Variants in CFAP97D2 observed in about 807,000 individuals in gnomAD.
CFAP97D2 encodes the protein CFAP97 domain containing 2.
chr13:114,187,274 T>G lies in CFAP97D2; in HGVS notation c.90+7854T>G, dbSNP rs1594514010. Among the ~76,000 whole-genome samples the G allele has an allele frequency of 1.3e-5, 2 of 150,812 alleles. No homozygotes were observed. The highest frequency in any genetic ancestry group is 6.6e-5 in the Admixed American group (1 of 15,150). ...GCAGAAAAGACAAAAATAACAAATA[T>G]CAAGAGTAACAAACAAAATAGTAAC... On this transcript the variant is annotated intron_variant, in intron 1 of 4. Coordinates refer to ENST00000646158, the Ensembl canonical transcript of CFAP97D2. The surrounding 1 kb of genome is among the most constrained non-coding windows in gnomAD (Gnocchi z 4.2).
chr13:114,207,503 A>G lies in CFAP97D2; in HGVS notation c.291-4409A>G, dbSNP rs2080946481. Among the ~76,000 whole-genome samples the G allele has an allele frequency of 6.6e-6, 1 of 152,092 alleles. No homozygotes were observed. Among genetic ancestry groups the G allele is most frequent in the African/African-American group, 2.4e-5 (1 of 41,410 alleles). On this transcript the variant is annotated intron_variant, in intron 3 of 4. Coordinates refer to ENST00000646158, the Ensembl canonical transcript of CFAP97D2. This position sits in a 1 kb window ranked among gnomAD's most constrained non-coding sequence, Gnocchi z 4.9. ...TTTTCATAAGGAACACGCAGCTTAG[A>G]TCTCTCGAACGTGCAGTTCACAATA...
chr13:114,179,617 T>G lies in CFAP97D2; in HGVS notation c.90+197T>G, dbSNP rs1007318922. Among the ~76,000 whole-genome samples, 11 of 151,932 alleles carry G rather than the reference T, an allele frequency of 7.2e-5. No individual in the cohort carries two copies. Among genetic ancestry groups the G allele is most frequent in the East Asian group, 1.9e-4 (1 of 5,190 alleles). On this transcript the variant is annotated intron_variant, in intron 1 of 4. Coordinates refer to ENST00000646158, the Ensembl canonical transcript of CFAP97D2. The surrounding 1 kb of genome is among the most constrained non-coding windows in gnomAD (Gnocchi z 4.8). The stretch of plus-strand genomic sequence containing the variant: ...AATCTCATTAAATAGTTGACGGCTT[T>G]CTTTCTTTCTTTTTTTTTTTTGAGA...
intron 1 of CFAP97D2, among the ~76,000 whole-genome samples, chr13:114,194,379 CAG>C (rs1172317078): frequency 1.3e-5 from 2 of 152,164 alleles, no homozygotes; most frequent in African/African-American, 4.8e-5. Context: ...AATCCAGACT[CAG>C]AAACTCTACA....
chr13:114,205,740 T>C lies in CFAP97D2; in HGVS notation c.290+5297T>C, dbSNP rs187084225. 4.6e-5 allele frequency among the ~76,000 whole-genome samples: 7 copies of C among 152,332 alleles called. No homozygotes were observed. In the East Asian group the frequency reaches 1.3e-3, roughly 29 times the overall value. ...GTCTTCTGGGCTTGCCTCTCCCATCTTGGAACCAATGCCTGTGAACCAGCC... is the reference window on the plus strand; with the variant it reads ...GTCTTCTGGGCTTGCCTCTCCCATCCTGGAACCAATGCCTGTGAACCAGCC... On this transcript the variant is annotated intron_variant, in intron 3 of 4. Transcript: ENST00000646158.
chr13:114,180,516 C>G (rs6560937), intron 1 of CFAP97D2, among the ~76,000 whole-genome samples: 96,083 of 152,008 alleles, frequency 0.63, 31,991 homozygotes, highest in African/African-American at 0.85. Context: ...AGTCTTCTCT[C>G]TCCCCTCTGC....
At chr13:114,208,094 G>A (rs891598538) in intron 3 of CFAP97D2, among the ~76,000 whole-genome samples, 1 of 152,180 alleles carries the variant, frequency 6.6e-6, no homozygotes, top group Non-Finnish European at 1.5e-5. Context: ...TGGGCTTCAC[G>A]ACTTCTAGCT....
At position 114,187,842 on chromosome 13, in the gene CFAP97D2, T is replaced by C. The variant is rs1010367944; in HGVS notation, c.90+8422T>C. Among the ~76,000 whole-genome samples, 2 of 152,220 alleles carry C rather than the reference T, an allele frequency of 1.3e-5. No homozygotes were observed. The highest frequency in any genetic ancestry group is 2.9e-5 in the Non-Finnish European group (2 of 68,046). On this transcript the variant is annotated intron_variant, in intron 1 of 4. Transcript: ENST00000646158. The surrounding 1 kb of genome is among the most constrained non-coding windows in gnomAD (Gnocchi z 4.2). ...AATATTCACCAAGATAGATCATGGATCATCTTCTGGGCCACAAAACACATA... is the reference window on the plus strand; with the variant it reads ...AATATTCACCAAGATAGATCATGGACCATCTTCTGGGCCACAAAACACATA...
At position 114,181,390 on chromosome 13, in the gene CFAP97D2, C is replaced by A. The variant is rs546325661; in HGVS notation, c.90+1970C>A. Among the ~76,000 whole-genome samples the A allele has an allele frequency of 2.0e-5, 3 of 152,156 alleles. No homozygotes were observed. In the East Asian group the frequency reaches 5.8e-4, roughly 30 times the overall value. ...CGTGAGGGTAGGACATGAAACCTGGCAAAGGAGGTTAAGGCAGCTGGCAGA... is the reference window on the plus strand; with the variant it reads ...CGTGAGGGTAGGACATGAAACCTGGAAAAGGAGGTTAAGGCAGCTGGCAGA... On this transcript the variant is annotated intron_variant, in intron 1 of 4. Transcript: ENST00000646158.
rs375588663 is a variant in CFAP97D2, at chr13:114,206,948, G to T, written c.291-4964G>T. 1.8e-3 allele frequency among the ~76,000 whole-genome samples: 278 copies of T among 152,326 alleles called. 1 individual carries two copies. Among genetic ancestry groups the T allele is most frequent in the Middle Eastern group, 3.4e-3 (1 of 294 alleles). On this transcript the variant is annotated intron_variant, in intron 3 of 4. Coordinates refer to ENST00000646158, the Ensembl canonical transcript of CFAP97D2. ...GATGTGTATGGATGCTCCTGTATGG[G>T]ATCAGGGAGGAGTTCTTGCCTTAAA...
rs1021086651 is a variant in CFAP97D2 at position 114,203,176 on chromosome 13, G to T, written c.290+2733G>T. Among the ~76,000 whole-genome samples the T allele has an allele frequency of 6.6e-6, 1 of 152,140 alleles. No homozygotes were observed. The highest frequency in any genetic ancestry group is 1.5e-5 in the Non-Finnish European group (1 of 68,020). On this transcript the variant is annotated intron_variant, in intron 3 of 4. Transcript: ENST00000646158. The surrounding 1 kb of genome is among the most constrained non-coding windows in gnomAD (Gnocchi z 4.3). Reference sequence around the variant, plus strand: ...GATCTTGCATATAGAAAATCTTAAGGAATGCACTAAAAAGCTGTAGAACTA... The same window carrying T: ...GATCTTGCATATAGAAAATCTTAAGTAATGCACTAAAAAGCTGTAGAACTA...
At chr13:114,210,017 C>T (rs374635619) in intron 3 of CFAP97D2, among the ~76,000 whole-genome samples, 1 of 152,172 alleles carries the variant, frequency 6.6e-6, no homozygotes, top group East Asian at 1.9e-4. Flanking sequence ...TTTATGGATA[C>T]CAAGAAGAAA....
intron 1 of CFAP97D2, among the ~76,000 whole-genome samples, chr13:114,182,222 C>A (rs9525294): frequency 0.13 from 18,872 of 147,082 alleles, 1,658 homozygotes; most frequent in Middle Eastern, 0.2. Context: ...AGGTACTATG[C>A]CTGGATGTGC....
At chr13:114,198,002 T>A (rs1483834310) in intron 2 of CFAP97D2, among the ~76,000 whole-genome samples, 1 of 152,142 alleles carries the variant, frequency 6.6e-6, no homozygotes, top group Non-Finnish European at 1.5e-5. Context: ...TTTTATTTTG[T>A]TTTTTAGACG....
Position 114,211,700 on chromosome 13 carries a change from G to A in CFAP97D2, c.291-212G>A, listed in dbSNP as rs1426388434. ...CCCTCCCGCCGTGCAAAGCGAGCGC[G>A]CCGGGGCTGAGTGTGCCCTTCGCTC... On this transcript the variant is annotated intron_variant, in intron 3 of 4. Transcript: ENST00000646158. This position sits in a 1 kb window ranked among gnomAD's most constrained non-coding sequence, Gnocchi z 4.2. Among the ~76,000 whole-genome samples the A allele has an allele frequency of 6.6e-6, 1 of 152,194 alleles. No individual in the cohort carries two copies. The highest frequency in any genetic ancestry group is 1.5e-5 in the Non-Finnish European group (1 of 68,030).
At chr13:114,182,938 A>G (rs2080841992) in intron 1 of CFAP97D2, among the ~76,000 whole-genome samples, 2 of 151,984 alleles carry the variant, frequency 1.3e-5, no homozygotes, top group African/African-American at 4.8e-5. Flanking sequence ...TTTTCCCTAC[A>G]ATGCCCACGG....
rs545998022 is a variant in CFAP97D2 at position 114,207,166 on chromosome 13, G to A, written c.291-4746G>A. Among the ~76,000 whole-genome samples the A allele has an allele frequency of 4.1e-4, 62 of 152,288 alleles. No individual in the cohort carries two copies. Among genetic ancestry groups the A allele is most frequent in the African/African-American group, 5.8e-4 (24 of 41,560 alleles). ...CCTGAGCCCCATCTGCTCCCCTGCC[G>A]CTGCAAGGGCAGCACCATGCAGGGC... is the stretch of plus-strand genomic sequence containing the variant. On this transcript the variant is annotated intron_variant, in intron 3 of 4. Transcript: ENST00000646158. The surrounding 1 kb of genome is among the most constrained non-coding windows in gnomAD (Gnocchi z 4.9).
intron 3 of CFAP97D2, among the ~76,000 whole-genome samples, chr13:114,206,704 G>A (rs58450740): frequency 9.0e-4 from 137 of 152,334 alleles, no homozygotes; most frequent in African/African-American, 3.1e-3. Flanking sequence ...GCTCCCTAAG[G>A]AAGTGATGAA....
rs1053076292 is a variant in CFAP97D2, at chr13:114,186,948, T to C, written c.90+7528T>C. 2.6e-5 allele frequency among the ~76,000 whole-genome samples: 4 copies of C among 152,156 alleles called. No individual in the cohort carries two copies. Among genetic ancestry groups the C allele is most frequent in the Non-Finnish European group, 5.9e-5 (4 of 68,036 alleles). On this transcript the variant is annotated intron_variant, in intron 1 of 4. Transcript: ENST00000646158. The surrounding 1 kb of genome is among the most constrained non-coding windows in gnomAD (Gnocchi z 4.3). ...TGGGCCCAGTGGGCCCGAGCAAAATTCGGCAAAGGTGCCACCAGCCACAGA... is the reference window on the plus strand; with the variant it reads ...TGGGCCCAGTGGGCCCGAGCAAAATCCGGCAAAGGTGCCACCAGCCACAGA...
At chr13:114,191,293 C>T (rs1013087380) in intron 1 of CFAP97D2, among the ~76,000 whole-genome samples, 1 of 152,058 alleles carries the variant, frequency 6.6e-6, no homozygotes, top group Admixed American at 6.5e-5. Flanking sequence ...AAATTAAAAG[C>T]TTCTGCTCTG....
Sources: allele counts gnomAD v4.1 joint callset (sites outside exome capture counted in the v4.1 genomes callset), GRCh38; gene constraint gnomAD v4.1.1; non-coding constraint Gnocchi (gnomAD v3.1); transcripts MANE v1.5; gene names NCBI Gene and HGNC (gene_info 2026-07-23, HGNC 2026-07-21).